ZFYVE28: variants seen among roughly 807,000 people sequenced by gnomAD.
The protein encoded by ZFYVE28 is lateral signaling target protein 2 homolog.
A neutral mutation model predicts 82.1 loss-of-function variants in ZFYVE28; 40 were observed. The observed-to-expected ratio is 0.49, with a 90% confidence interval of 0.38 to 0.63. The LOEUF is 0.63. Among genes scored for constraint, ZFYVE28 ranks in the 30% least tolerant of loss-of-function variants. ZFYVE28 has a pLI of 0.00. For missense variants in ZFYVE28, 1,321 were observed against 1,242.1 expected, an observed-to-expected ratio of 1.06 and a Z score of -0.96; for synonymous variants, 612 against 546.1, an observed-to-expected ratio of 1.12 and a Z score of -1.68.
At chr4:2,383,585 T>C (rs2354519) in intron 1 of ZFYVE28, among the ~76,000 whole-genome samples, 98,183 of 152,042 alleles carry the variant, frequency 0.65, 32,214 homozygotes, top group Admixed American at 0.73. Flanking sequence ...ACCTGGGGAA[T>C]CAAATGCTGC....
intron 6 of ZFYVE28, among the ~76,000 whole-genome samples, chr4:2,326,282 A>C (rs1384990118): frequency 6.6e-6 from 1 of 152,228 alleles, no homozygotes; most frequent in Non-Finnish European, 1.5e-5. Context: ...GTGAAAATTC[A>C]GATTTCCCAA....
Position 2,341,460 on chromosome 4 carries a change from C to T in ZFYVE28, c.318+18G>A, listed in dbSNP as rs934737389. 2.2e-5 allele frequency: 35 copies of T among 1,611,690 alleles called. No individual in the cohort carries two copies. In the African/African-American group the frequency reaches 2.4e-4, roughly 11 times the overall value. On this transcript the variant is annotated intron_variant, in intron 3 of 12. Coordinates refer to ENST00000290974, the MANE Select transcript of ZFYVE28 (RefSeq NM_020972.3). The surrounding 1 kb of genome is among the most constrained non-coding windows in gnomAD (Gnocchi z 4.5). ...CACCCCACATCAGGACCTCCGAACC[C>T]GGGTGGCCACCCGCTACCTCGGCAC...
In ZFYVE28 at chr4:2,274,105, G is replaced by T. The variant is rs372060107; in HGVS notation, c.2163C>A (p.His721Gln). The change falls in exon 9 of 13, where the codon CAC becomes CAA. Residue 721 changes from histidine (H) to glutamine (Q), a missense_variant. Physicochemically the swap from His to Gln is conservative, Grantham distance 24. Around this residue, in one of 2 missense-constraint regions of ZFYVE28, gnomAD observed 978 missense variants for 833.7 expected, o/e 1.17. Coordinates refer to ENST00000290974, the MANE Select transcript of ZFYVE28 (RefSeq NM_020972.3). ...ATREKIRSRF[H>Q]GSHDLIHRLF... is the part of the protein sequence containing the mutation. ...GGCGGTGGATGAGGTCGTGGCTGCCGTGGAACCTGGACCGGATCTTCTCTC... is the reference window on the plus strand; with the variant it reads ...GGCGGTGGATGAGGTCGTGGCTGCCTTGGAACCTGGACCGGATCTTCTCTC... 1.1e-5 allele frequency: 18 copies of T among 1,613,526 alleles called. No homozygotes were observed. Among genetic ancestry groups the T allele is most frequent in the Non-Finnish European group, 1.5e-5 (18 of 1,179,680 alleles).
At chr4:2,327,688 T>C (rs1459921911) in intron 6 of ZFYVE28, among the ~76,000 whole-genome samples, 1 of 152,224 alleles carries the variant, frequency 6.6e-6, no homozygotes, top group Non-Finnish European at 1.5e-5. Context: ...CTGCATCTAA[T>C]GAGATGATCA....
chr4:2,364,655 C>T (rs963855570), intron 1 of ZFYVE28: 2 of 985,414 alleles, frequency 2.0e-6, no homozygotes, highest in African/African-American at 3.5e-5. Context: ...GGCTTAAGGA[C>T]GCAGAGAACC....
At chr4:2,410,518 T>C (rs1479337664) in intron 1 of ZFYVE28, among the ~76,000 whole-genome samples, 2 of 150,844 alleles carry the variant, frequency 1.3e-5, no homozygotes, top group African/African-American at 2.4e-5. Flanking sequence ...TTTTTTGAGA[T>C]AGAGTCTCGC....
At position 2,320,666 on chromosome 4, in the gene ZFYVE28, A is replaced by ACCAG. The variant is rs1412403955; in HGVS notation, c.702-396_702-395insCTGG. ...AATTTATCTGCAGAGCTTTATGAGA[A>ACCAG]CTGGACCTGGAACCATCTTCTCCAA... On this transcript the variant is annotated intron_variant, in intron 6 of 12. Coordinates refer to ENST00000290974, the MANE Select transcript of ZFYVE28 (RefSeq NM_020972.3). This position sits in a 1 kb window ranked among gnomAD's most constrained non-coding sequence, Gnocchi z 5.1. Among the ~76,000 whole-genome samples the ACCAG allele has an allele frequency of 1.1e-4, 16 of 152,338 alleles. No individual in the cohort carries two copies. In the East Asian group the frequency reaches 3.1e-3, roughly 29 times the overall value.
rs114945743 is a variant in ZFYVE28 at position 2,323,197 on chromosome 4, G to A, written c.702-2926C>T. On this transcript the variant is annotated intron_variant, in intron 6 of 12. Transcript: ENST00000290974. ...AATCCAAGGGTTCTGACTTCTCCAC[G>A]CTCTCCCCACGTATTCTTTTCCATT... 7.9e-3 allele frequency among the ~76,000 whole-genome samples: 1,205 copies of A among 152,192 alleles called. 13 individuals are homozygous for A. The highest frequency in any genetic ancestry group is 0.027 in the African/African-American group (1,133 of 41,512).
At chr4:2,279,165 C>T (rs1474750198) in intron 8 of ZFYVE28, among the ~76,000 whole-genome samples, 5 of 152,242 alleles carry the variant, frequency 3.3e-5, no homozygotes, top group Admixed American at 2.6e-4. Context: ...ACACTGAACA[C>T]ATCATATTGT....
Position 2,417,702 on chromosome 4 carries a change from A to G in ZFYVE28, c.39+583T>C, listed in dbSNP as rs536477819. Among the ~76,000 whole-genome samples the G allele has an allele frequency of 1.6e-4, 25 of 151,750 alleles. No individual in the cohort carries two copies. Among genetic ancestry groups the G allele is most frequent in the Non-Finnish European group, 3.2e-4 (22 of 67,926 alleles). On this transcript the variant is annotated intron_variant, in intron 1 of 12. Coordinates refer to ENST00000290974, the MANE Select transcript of ZFYVE28 (RefSeq NM_020972.3). The surrounding 1 kb of genome is among the most constrained non-coding windows in gnomAD (Gnocchi z 4.8). ...GGAGGCCGTTGGCAGGGCCATCAGGATCCTCTCTGGACATGGAAGGACGGG... is the reference window on the plus strand; with the variant it reads ...GGAGGCCGTTGGCAGGGCCATCAGGGTCCTCTCTGGACATGGAAGGACGGG...
Position 2,362,329 on chromosome 4 carries a change from C to T in ZFYVE28, c.40-8256G>A, listed in dbSNP as rs998816390. 4.6e-5 allele frequency among the ~76,000 whole-genome samples: 7 copies of T among 152,140 alleles called. No homozygotes were observed. The highest frequency in any genetic ancestry group is 9.7e-5 in the African/African-American group (4 of 41,404). On this transcript the variant is annotated intron_variant, in intron 1 of 12. Transcript: ENST00000290974. This position sits in a 1 kb window ranked among gnomAD's most constrained non-coding sequence, Gnocchi z 5.1. Reference sequence around the variant, plus strand: ...TCCAGCACCAGGAATCCAAGAGCATCGCAAAGAAGCCAGGGAAGAGCCTCT... The same window carrying T: ...TCCAGCACCAGGAATCCAAGAGCATTGCAAAGAAGCCAGGGAAGAGCCTCT...
chr4:2,308,248 G>C (rs930233027), intron 7 of ZFYVE28, among the ~76,000 whole-genome samples: 2 of 152,052 alleles, frequency 1.3e-5, no homozygotes, highest in African/African-American at 4.8e-5. Flanking sequence ...GCCTCCCAAA[G>C]TGTTGGGATT....
At chr4:2,328,181 A>AT (rs1720155209) in intron 6 of ZFYVE28, among the ~76,000 whole-genome samples, 1 of 152,244 alleles carries the variant, frequency 6.6e-6, no homozygotes, top group East Asian at 1.9e-4. Flanking sequence ...ATGAATAAAG[A>AT]AAATGTGGTA....
rs75452139 is a variant in ZFYVE28 at position 2,340,030 on chromosome 4, C to A, written c.319-375G>T. ...CCTGGTCATGTGACTCTTTTCCGCT[C>A]CCCGTCCAGGCCACAGGGATGAAGT... is the stretch of plus-strand genomic sequence containing the variant. On this transcript the variant is annotated intron_variant, in intron 3 of 12. Coordinates refer to ENST00000290974, the MANE Select transcript of ZFYVE28 (RefSeq NM_020972.3). Among the ~76,000 whole-genome samples the A allele has an allele frequency of 3.0e-3, 458 of 152,150 alleles. 4 individuals carry two copies. Among genetic ancestry groups the A allele is most frequent in the African/African-American group, 0.01 (426 of 41,506 alleles).
intron 8 of ZFYVE28, among the ~76,000 whole-genome samples, chr4:2,303,775 T>C (rs553003474): frequency 6.6e-6 from 1 of 152,276 alleles, no homozygotes; most frequent in South Asian, 2.1e-4. Context: ...GCACCCCTCA[T>C]GGCCCCAGTC....
chr4:2,280,838 C>A (rs1397410244), intron 8 of ZFYVE28, among the ~76,000 whole-genome samples: 1 of 152,358 alleles, frequency 6.6e-6, no homozygotes, highest in East Asian at 1.9e-4. Context: ...CTTGGACCAA[C>A]ACCCTGAAGC....
chr4:2,271,844 G>T, intron 10 of ZFYVE28, 65 bp from the exon 11 acceptor site: 1 of 1,473,862 alleles, frequency 6.8e-7, no homozygotes, highest in Non-Finnish European at 9.5e-7. Context: ...AGGGTCACCT[G>T]CACTTGCTGG....
intron 1 of ZFYVE28, among the ~76,000 whole-genome samples, chr4:2,388,398 CA>C (rs1729492934): frequency 6.6e-6 from 1 of 152,130 alleles, no homozygotes; most frequent in African/African-American, 2.4e-5. Flanking sequence ...GGACTATCAA[CA>C]GCACAACGAG....
At chr4:2,284,885 A>G (rs1340616410) in intron 8 of ZFYVE28, among the ~76,000 whole-genome samples, 1 of 152,200 alleles carries the variant, frequency 6.6e-6, no homozygotes, top group Non-Finnish European at 1.5e-5. Flanking sequence ...TGAGTCTAGT[A>G]CGGCAAGGAT....
Sources: gnomAD v4.1 joint callset for allele counts (sites outside exome capture counted in the v4.1 genomes callset) on GRCh38, gnomAD v4.1.1 for gene constraint, gnomAD v4.1.1 regional missense constraint, Gnocchi (gnomAD v3.1) non-coding constraint, MANE v1.5 for transcripts, NCBI Gene and HGNC (gene_info 2026-07-23, HGNC 2026-07-21) for gene names.